The following TPRA1 variants were observed in gnomAD, a reference collection of about 807,000 sequenced individuals.
TPRA1 encodes the protein transmembrane protein adipocyte associated 1, also known as transmembrane protein adipocyte-associated 1.
A neutral mutation model predicts 40.1 loss-of-function variants in TPRA1; 28 were observed. That is an observed-to-expected ratio of 0.70 (90% CI 0.52 to 0.96). TPRA1 has a LOEUF of 0.96. Among genes scored for constraint, TPRA1 ranks in the 40% least tolerant of loss-of-function variants. TPRA1 has a pLI of 0.00. For synonymous variants in TPRA1, 219 were observed against 209.7 expected, an observed-to-expected ratio of 1.04 and a Z score of -0.38; for missense variants, 441 against 482.6, an observed-to-expected ratio of 0.91 and a Z score of 0.81.
rs546021345 is a variant in TPRA1 at position 127,580,563 on chromosome 3, C to T, written c.-17-400G>A. 2.2e-4 allele frequency: 39 copies of T among 177,682 alleles called. 2 individuals carry two copies. The South Asian group carries it at 5.2e-3, about 24-fold the overall frequency. The allele number at this position is 177,682 out of a possible 1,614,324, so 11.0% of individuals were successfully genotyped here. On this transcript the variant is annotated intron_variant, in intron 1 of 10. Coordinates refer to ENST00000355552, the MANE Select transcript of TPRA1 (RefSeq NM_001136053.4). ...TCCTCTCCGTGCCTGTGTCCCCCCA[C>T]CATGGAATGGGTGTAACAAGTGAGG...
intron 3 of TPRA1, among the ~76,000 whole-genome samples, 154 bp from the exon 4 acceptor site, chr3:127,577,230 A>G (rs2073673075): frequency 6.6e-6 from 1 of 151,100 alleles, no homozygotes; most frequent in Non-Finnish European, 1.5e-5. Context: ...GGAGGTGGGG[A>G]TCACTCCAGG....
At chr3:127,577,122 T>G (rs1576371376) in intron 3 of TPRA1, 46 bp from the exon 4 acceptor site, 2 of 1,599,856 alleles carry the variant, frequency 1.3e-6, no homozygotes, top group Non-Finnish European at 1.7e-6. Context: ...CAAGAGCCTC[T>G]GCATCGGCAG....
Position 127,580,070 on chromosome 3 carries a change from A to C in TPRA1, c.77T>G (p.Val26Gly), listed in dbSNP as rs765418510. 1 of 1,613,962 alleles carries C rather than the reference A, an allele frequency of 6.2e-7. No homozygotes were observed. Among genetic ancestry groups the C allele is most frequent in the Admixed American group, 1.7e-5 (1 of 60,028 alleles). The stretch of plus-strand genomic sequence containing the variant: ...GAGCAGCAGCAGGCAGCGATGAGGC[A>C]CACTGATGTTTGGTGCCAGGGGTGG... ...LPPPLAPNIS[V>G]PHRCLLLLYE... Residue 26 changes from valine (V) to glycine (G), a missense_variant, in exon 2 of 11, where the codon GTG (valine) becomes GGG (glycine). Val to Gly is a moderately radical substitution (Grantham distance 109). Transcript: ENST00000355552.
Position 127,584,976 on chromosome 3 carries a change from C to T in TPRA1, c.-17-4813G>A, listed in dbSNP as rs116109612. On this transcript the variant is annotated intron_variant, in intron 1 of 10. Transcript: ENST00000355552. ...CAGACCACGAGGCAGAAACCCTGTA[C>T]GAGGGTAACAGAGCAATGAGAAAGA... 1.5e-3 allele frequency among the ~76,000 whole-genome samples: 234 copies of T among 152,124 alleles called. 2 individuals carry two copies. The highest frequency in any genetic ancestry group is 5.4e-3 in the African/African-American group (224 of 41,504).
At chr3:127,578,610 C>T (rs1439098931) in intron 3 of TPRA1, among the ~76,000 whole-genome samples, 1 of 152,200 alleles carries the variant, frequency 6.6e-6, no homozygotes, top group East Asian at 1.9e-4. Context: ...AATAAATACA[C>T]AAATGAATAA....
upstream of TPRA1, among the ~76,000 whole-genome samples, chr3:127,593,905 C>T (rs757520560): frequency 3.9e-5 from 6 of 152,228 alleles, no homozygotes; most frequent in Non-Finnish European, 8.8e-5. Flanking sequence ...ACAATACACA[C>T]ATATGGTCTT....
intron 1 of TPRA1, among the ~76,000 whole-genome samples, chr3:127,581,082 C>T (rs1194012408): frequency 6.6e-6 from 1 of 152,236 alleles, no homozygotes; most frequent in Non-Finnish European, 1.5e-5. Context: ...AAAACCAAGA[C>T]TCCTAAGCTA....
intron 1 of TPRA1, among the ~76,000 whole-genome samples, chr3:127,582,817 A>G (rs1425595964): frequency 6.6e-6 from 1 of 150,566 alleles, no homozygotes; most frequent in Non-Finnish European, 1.5e-5. Flanking sequence ...ACTGACCAAC[A>G]TGGAGAAACC....
upstream of TPRA1, among the ~76,000 whole-genome samples, chr3:127,592,715 G>A (rs2074199985): frequency 6.6e-6 from 1 of 152,228 alleles, no homozygotes; most frequent in Non-Finnish European, 1.5e-5. Context: ...GCGCCTGGGT[G>A]CAGGTGGGCT....
intron 1 of TPRA1, among the ~76,000 whole-genome samples, chr3:127,589,969 C>G (rs2107669701): frequency 6.6e-6 from 1 of 152,348 alleles, no homozygotes; most frequent in South Asian, 2.1e-4. Context: ...GCGGAGGCTT[C>G]GACATGGCCC....
intron 1 of TPRA1, among the ~76,000 whole-genome samples, chr3:127,580,849 G>A (rs1451838823): frequency 1.3e-5 from 2 of 152,258 alleles, no homozygotes; most frequent in African/African-American, 2.4e-5. Flanking sequence ...GTCTCCAACT[G>A]GAGATGGGCA....
rs575905419 is a variant in TPRA1 at position 127,586,520 on chromosome 3, G to A, written c.-18+3890C>T. ...ATCACAAGTGTGCACCACCACACCTGGCTAATTTTTGTATTTTTAGTAGAG... is the reference window on the plus strand; with the variant it reads ...ATCACAAGTGTGCACCACCACACCTAGCTAATTTTTGTATTTTTAGTAGAG... On this transcript the variant is annotated intron_variant, in intron 1 of 10. Transcript: ENST00000355552. 3.3e-5 allele frequency among the ~76,000 whole-genome samples: 5 copies of A among 152,246 alleles called. No homozygotes were observed. The South Asian group carries it at 1.0e-3, about 32-fold the overall frequency.
At chr3:127,586,856 A>G (rs1252899601) in intron 1 of TPRA1, among the ~76,000 whole-genome samples, 1 of 152,148 alleles carries the variant, frequency 6.6e-6, no homozygotes, top group East Asian at 1.9e-4. Context: ...GAACAGGGGC[A>G]GGGAGTAGGA....
intron 1 of TPRA1, among the ~76,000 whole-genome samples, chr3:127,582,582 A>G (rs2073865928): frequency 6.6e-6 from 1 of 151,866 alleles, no homozygotes; most frequent in East Asian, 1.9e-4. Context: ...TCCAGCTGTA[A>G]TGCCAGCTAC....
chr3:127,586,865 G>A (rs1455050450), intron 1 of TPRA1, among the ~76,000 whole-genome samples: 1 of 152,196 alleles, frequency 6.6e-6, no homozygotes, highest in Non-Finnish European at 1.5e-5. Context: ...CAGGGAGTAG[G>A]AGAGTGGGGG....
At chr3:127,581,915 C>A (rs1365363945) in intron 1 of TPRA1, among the ~76,000 whole-genome samples, 1 of 148,002 alleles carries the variant, frequency 6.8e-6, no homozygotes, top group Non-Finnish European at 1.5e-5. Flanking sequence ...GAGCGAGACT[C>A]CATCTCAAAA....
intron 8 of TPRA1, 90 bp downstream of exon 8, chr3:127,575,659 C>G (rs755560330): frequency 5.2e-6 from 8 of 1,539,350 alleles, no homozygotes; most frequent in Non-Finnish European, 7.2e-6. Context: ...TGGAACTCTA[C>G]AGCTCCAGCT....
intron 1 of TPRA1, 98 bp from the exon 2 acceptor site, chr3:127,580,261 A>G: frequency 2.9e-6 from 4 of 1,399,764 alleles, no homozygotes; most frequent in Non-Finnish European, 3.8e-6. Context: ...GAGGGGCTGC[A>G]CAGAGCACCC....
At chr3:127,574,213 A>G (rs1194101690) in intron 10 of TPRA1, among the ~76,000 whole-genome samples, 2 of 152,150 alleles carry the variant, frequency 1.3e-5, no homozygotes, top group Non-Finnish European at 2.9e-5. Context: ...GCAACTCTCC[A>G]AGGGGGACAC....
Sources: gnomAD v4.1 joint callset for allele counts (sites outside exome capture counted in the v4.1 genomes callset) on GRCh38, gnomAD v4.1.1 for gene constraint, MANE v1.5 for transcripts, NCBI Gene and HGNC (gene_info 2026-07-23, HGNC 2026-07-21) for gene names.